The following LSAMP variants were observed in gnomAD, a reference collection of about 807,000 sequenced individuals.
The protein encoded by LSAMP is limbic system-associated membrane protein.
A neutral mutation model predicts 38.6 loss-of-function variants in LSAMP; 7 were observed. That is an observed-to-expected ratio of 0.18 (90% CI 0.10 to 0.34). The LOEUF is 0.34. LSAMP is among the 10% of genes least tolerant of loss of function. The probability of loss-of-function intolerance (pLI) is 1.00; values close to 1 mark genes in which losing one functional copy is unlikely to be tolerated. For missense variants in LSAMP, 313 were observed against 420.0 expected (o/e 0.75, Z 2.23); for synonymous variants, 154 against 166.8 (o/e 0.92, Z 0.59).
chr3:116,241,789 G>A (rs973000027), intron 1 of LSAMP, among the ~76,000 whole-genome samples: 5 of 152,200 alleles, frequency 3.3e-5, no homozygotes, highest in Admixed American at 3.3e-4. Context: ...ATATTCTCAT[G>A]TTGTAGAAGC....
intron 2 of LSAMP, among the ~76,000 whole-genome samples, chr3:116,072,797 G>T: frequency 1.6e-5 from 2 of 125,640 alleles, no homozygotes; most frequent in Admixed American, 9.5e-5. Flanking sequence ...TGTAGACTCT[G>T]AATATTAGAC....
At chr3:116,076,395 C>CTA (rs778665031) in intron 2 of LSAMP, among the ~76,000 whole-genome samples, 24 of 151,964 alleles carry the variant, frequency 1.6e-4, no homozygotes, top group Non-Finnish European at 3.4e-4. Flanking sequence ...GTAGCTGGGA[C>CTA]TATAGGAGCC....
intron 1 of LSAMP, among the ~76,000 whole-genome samples, chr3:116,139,611 A>C (rs1021351925): frequency 6.6e-6 from 1 of 152,004 alleles, no homozygotes; most frequent in South Asian, 2.1e-4. Context: ...TGCCAGATTC[A>C]TTGCAAGTTG....
chr3:116,294,971 T>C (rs989961570), intron 1 of LSAMP, among the ~76,000 whole-genome samples: 1 of 152,176 alleles, frequency 6.6e-6, no homozygotes, highest in East Asian at 1.9e-4. Flanking sequence ...CAAAGTTCAA[T>C]TAAAACTCAT....
chr3:115,822,847 C>T (rs1258097279), intron 6 of LSAMP, among the ~76,000 whole-genome samples: 1 of 152,210 alleles, frequency 6.6e-6, no homozygotes, highest in Non-Finnish European at 1.5e-5. Context: ...AAAGGCTTTT[C>T]TTCTTTATAG....
At chr3:115,981,016 C>A (rs1939342915) in intron 3 of LSAMP, among the ~76,000 whole-genome samples, 1 of 152,018 alleles carries the variant, frequency 6.6e-6, no homozygotes, top group African/African-American at 2.4e-5. Context: ...GTTTTCAACC[C>A]TGGGTCACAA....
intron 3 of LSAMP, among the ~76,000 whole-genome samples, chr3:115,985,269 A>G (rs1939478111): frequency 6.6e-6 from 1 of 152,176 alleles, no homozygotes; most frequent in Non-Finnish European, 1.5e-5. Flanking sequence ...AAAAATACAA[A>G]ATGGAATATT....
At chr3:116,418,996 G>T (rs1472490223) in intron 1 of LSAMP, among the ~76,000 whole-genome samples, 1 of 152,102 alleles carries the variant, frequency 6.6e-6, no homozygotes. Flanking sequence ...CAACATATCT[G>T]TTCTTATTCC....
chr3:116,109,204 C>T (rs1013600118), intron 1 of LSAMP, among the ~76,000 whole-genome samples: 2 of 152,286 alleles, frequency 1.3e-5, no homozygotes, highest in Non-Finnish European at 2.9e-5. Context: ...CCTTTGGCTC[C>T]AGCCACCTTT....
At chr3:115,826,531 C>T (rs1934415065) in intron 6 of LSAMP, among the ~76,000 whole-genome samples, 1 of 152,184 alleles carries the variant, frequency 6.6e-6, no homozygotes, top group Non-Finnish European at 1.5e-5. Context: ...TTAAAGTTTA[C>T]TGTGGTTGCT....
intron 1 of LSAMP, among the ~76,000 whole-genome samples, chr3:116,244,262 G>A (rs1384407226): frequency 6.6e-6 from 1 of 152,008 alleles, no homozygotes; most frequent in African/African-American, 2.4e-5. Flanking sequence ...CTCTTTCTTT[G>A]AAATGTTCTA....
At chr3:115,928,242 C>T (rs78714888) in intron 3 of LSAMP, among the ~76,000 whole-genome samples, 3,200 of 152,254 alleles carry the variant, frequency 0.021, 128 homozygotes, top group African/African-American at 0.071. Flanking sequence ...TCCCCTTTCC[C>T]CCTTAGCTTT....
chr3:115,988,580 GTACACACCAT>G (rs1295791326), intron 3 of LSAMP, among the ~76,000 whole-genome samples: 1 of 152,040 alleles, frequency 6.6e-6, no homozygotes, highest in Non-Finnish European at 1.5e-5. Context: ...GGGATTACAG[GTACACACCAT>G]TGCGACTTAG....
intron 3 of LSAMP, among the ~76,000 whole-genome samples, chr3:115,972,246 A>G (rs1386462061): frequency 1.3e-5 from 2 of 152,050 alleles, no homozygotes; most frequent in African/African-American, 2.4e-5. Context: ...GAAAGCCAAA[A>G]TTTATAGCAA....
chr3:116,259,179 C>T (rs567937315), intron 1 of LSAMP, among the ~76,000 whole-genome samples: 1 of 152,260 alleles, frequency 6.6e-6, no homozygotes, highest in South Asian at 2.1e-4. Flanking sequence ...CACAACCATA[C>T]ATTTAGCAAT....
At chr3:116,108,307 AG>A (rs1304307752) in intron 1 of LSAMP, among the ~76,000 whole-genome samples, 4 of 147,400 alleles carry the variant, frequency 2.7e-5, no homozygotes, top group Admixed American at 1.3e-4. Flanking sequence ...GGAACTGGGC[AG>A]GTGGGGATAA....
chr3:116,210,747 T>C (rs1305786868), intron 1 of LSAMP, among the ~76,000 whole-genome samples: 1 of 152,118 alleles, frequency 6.6e-6, no homozygotes, highest in Non-Finnish European at 1.5e-5. Context: ...TATGGAAACA[T>C]AAATACACAA....
rs878950353 is a variant in LSAMP at position 116,208,194 on chromosome 3, A to G, written c.156-121638T>C. 1.1e-4 allele frequency among the ~76,000 whole-genome samples: 16 copies of G among 152,168 alleles called. No individual in the cohort carries two copies. The South Asian group carries it at 1.7e-3, about 16-fold the overall frequency. On this transcript the variant is annotated intron_variant, in intron 1 of 6. Transcript: ENST00000490035. ...ACCCTTTCTTCCAGTTGATCGCATC[A>G]GCTCCTGAGGCTTCTGCATTCTTCA...
At chr3:115,884,009 G>A (rs916628614) in intron 3 of LSAMP, among the ~76,000 whole-genome samples, 1 of 151,976 alleles carries the variant, frequency 6.6e-6, no homozygotes, top group Non-Finnish European at 1.5e-5. Context: ...TTAAGATTCT[G>A]CAAAAACAGC....
Sources: gnomAD v4.1 joint callset for allele counts (sites outside exome capture counted in the v4.1 genomes callset) on GRCh38, gnomAD v4.1.1 for gene constraint, MANE v1.5 for transcripts, NCBI Gene and HGNC (gene_info 2026-07-23, HGNC 2026-07-21) for gene names.